Variants in ZNF366 observed in about 807,000 individuals in gnomAD.
ZNF366 encodes dendritic cell-specific transcript protein.
ZNF366 carries 20 observed loss-of-function variants against 47.2 expected under a neutral mutation model. The ratio of observed to expected loss-of-function variants is 0.42; its 90% CI spans 0.30 to 0.62. The LOEUF is 0.62. Ranked by LOEUF, ZNF366 falls within the 20% of genes least tolerant of loss-of-function variation. ZNF366 has a pLI of 0.16. For synonymous variants in ZNF366, 421 were observed against 395.1 expected (o/e 1.07, Z -0.78); for missense variants, 987 against 976.3 (o/e 1.01, Z -0.15).
chr5:72,469,154 T>C (rs896033180), intron 1 of ZNF366, among the ~76,000 whole-genome samples: 4 of 152,172 alleles, frequency 2.6e-5, no homozygotes, highest in Admixed American at 2.6e-4. Context: ...GCAAAAGTGC[T>C]GAGAATCAAT....
rs190219458 is a variant in ZNF366, at chr5:72,453,557, A to G, written c.1524+2847T>C. 3.7e-3 allele frequency among the ~76,000 whole-genome samples: 570 copies of G among 152,368 alleles called. 3 individuals carry two copies. Among genetic ancestry groups the G allele is most frequent in the Middle Eastern group, 0.01 (3 of 294 alleles). On this transcript the variant is annotated intron_variant, in intron 3 of 4. Transcript: ENST00000318442. ...AAGAATCTAGCACAGCATAGTTGGG[A>G]AGCAAGAACCACAGGACAGCATCTT...
chr5:72,457,862 G>T (rs1351094741), intron 2 of ZNF366, among the ~76,000 whole-genome samples: 1 of 152,158 alleles, frequency 6.6e-6, no homozygotes, highest in Non-Finnish European at 1.5e-5. Flanking sequence ...AGGAGACCTA[G>T]AAATCAACCT....
At position 72,443,668 on chromosome 5, in the gene ZNF366, C is replaced by T. The variant is rs879071676; in HGVS notation, c.*88G>A. 1.9e-5 allele frequency: 26 copies of T among 1,384,326 alleles called. No homozygotes were observed. The South Asian group carries it at 3.1e-4, about 16-fold the overall frequency. 85.8% of individuals were successfully genotyped at this position (1,384,326 alleles called of 1,614,324 possible). ...ATTTGTAGAGATTGGTACTATTCGC[C>T]AGTCTCCAGAAAATGACAGTTCATG... is the stretch of plus-strand genomic sequence containing the variant. On this transcript the variant is annotated 3_prime_UTR_variant, in exon 5 of 5. Coordinates refer to ENST00000318442, the MANE Select transcript of ZNF366 (RefSeq NM_152625.3).
At position 72,443,685 on chromosome 5, in the gene ZNF366, C is replaced by T. The variant is rs1742900218; in HGVS notation, c.*71G>A. ...CTATTCGCCAGTCTCCAGAAAATGA[C>T]AGTTCATGCAGAAAGCTATATTTGA... On this transcript the variant is annotated 3_prime_UTR_variant, in exon 5 of 5. Transcript: ENST00000318442. 4.7e-6 allele frequency: 7 copies of T among 1,477,478 alleles called. No homozygotes were observed. The highest frequency in any genetic ancestry group is 1.4e-5 in the African/African-American group (1 of 71,436). 91.5% of individuals were successfully genotyped at this position (1,477,478 alleles called of 1,614,324 possible). A position where few individuals can be genotyped will look rare whatever the true frequency, so the allele number is the denominator to read the frequency against.
chr5:72,449,727 T>G (rs758487755), intron 3 of ZNF366, among the ~76,000 whole-genome samples: 1 of 152,262 alleles, frequency 6.6e-6, no homozygotes, highest in Non-Finnish European at 1.5e-5. Flanking sequence ...CAACATGCAT[T>G]AAAGCTTTGC....
chr5:72,493,918 C>CTTTTTTTT (rs70999281), intron 1 of ZNF366, among the ~76,000 whole-genome samples: 12 of 62,510 alleles, frequency 1.9e-4, no homozygotes, highest in Admixed American at 2.5e-4. Flanking sequence ...CCATGCCCAG[C>CTTTTTTTT]TTTTTTTTTT....
chr5:72,496,951 A>C (rs1384800039), intron 1 of ZNF366, among the ~76,000 whole-genome samples: 1 of 152,162 alleles, frequency 6.6e-6, no homozygotes, highest in Non-Finnish European at 1.5e-5. Flanking sequence ...TTTATTCAAA[A>C]TTTGTGTCCA....
chr5:72,453,577 C>T (rs1743119034), intron 3 of ZNF366, among the ~76,000 whole-genome samples: 1 of 152,254 alleles, frequency 6.6e-6, no homozygotes, highest in African/African-American at 2.4e-5. Flanking sequence ...CACAGGACAG[C>T]ATCTTGAGAT....
intron 1 of ZNF366, among the ~76,000 whole-genome samples, chr5:72,477,665 T>C (rs1743701296): frequency 6.6e-6 from 1 of 152,176 alleles, no homozygotes; most frequent in African/African-American, 2.4e-5. Flanking sequence ...CCCTATTTTA[T>C]AGGTAAGGAA....
chr5:72,490,438 C>T (rs919177047), intron 1 of ZNF366, among the ~76,000 whole-genome samples: 7 of 152,182 alleles, frequency 4.6e-5, no homozygotes, highest in African/African-American at 1.7e-4. Flanking sequence ...AAAGCCTCCA[C>T]TTTTGAAGTC....
intron 1 of ZNF366, among the ~76,000 whole-genome samples, chr5:72,498,523 T>C (rs1206230593): frequency 1.3e-5 from 2 of 152,260 alleles, no homozygotes; most frequent in African/African-American, 4.8e-5. Context: ...GTGAATGAAG[T>C]GCTTTATGAA....
rs1202836653 is a variant in ZNF366, at chr5:72,468,801, G to A, written c.-14-7291C>T. ...CTGCTAGTGTGTTGGGGTTATCTCT[G>A]TCCTCGTGACCCATTTAAAGGAAGG... On this transcript the variant is annotated intron_variant, in intron 1 of 4. Coordinates refer to ENST00000318442, the MANE Select transcript of ZNF366 (RefSeq NM_152625.3). Among the ~76,000 whole-genome samples, 4 of 152,242 alleles carry A rather than the reference G, an allele frequency of 2.6e-5. No homozygotes were observed. In the South Asian group the frequency reaches 6.2e-4, roughly 24 times the overall value.
intron 1 of ZNF366, among the ~76,000 whole-genome samples, chr5:72,481,225 G>A (rs1041229428): frequency 3.3e-5 from 5 of 152,054 alleles, no homozygotes; most frequent in Admixed American, 6.5e-5. Context: ...GTTGGTACCC[G>A]AATTAGATTA....
At chr5:72,460,117 GCT>G in intron 2 of ZNF366, 46 bp downstream of exon 2, 1 of 1,584,994 alleles carries the variant, frequency 6.3e-7, no homozygotes, top group Middle Eastern at 1.9e-4. Flanking sequence ...TCAGGGCCCC[GCT>G]CCTCTTCCCA....
chr5:72,479,247 T>C (rs1370779380), intron 1 of ZNF366, among the ~76,000 whole-genome samples: 1 of 151,962 alleles, frequency 6.6e-6, no homozygotes, highest in East Asian at 1.9e-4. Context: ...ACTAGGAAGG[T>C]TGAATAGCCT....
At chr5:72,507,080 CAGT>C (rs1350103160) in intron 1 of ZNF366, among the ~76,000 whole-genome samples, 168 bp downstream of exon 1, 1 of 152,198 alleles carries the variant, frequency 6.6e-6, no homozygotes, top group Non-Finnish European at 1.5e-5. Context: ...TGCAAAGCAT[CAGT>C]ATTCTCTTAC....
intron 1 of ZNF366, among the ~76,000 whole-genome samples, chr5:72,481,442 T>C (rs1196615441): frequency 6.6e-6 from 1 of 152,200 alleles, no homozygotes. Flanking sequence ...GCACTACTTA[T>C]TATATATCTC....
At chr5:72,490,974 C>A (rs1743997525) in intron 1 of ZNF366, among the ~76,000 whole-genome samples, 1 of 152,200 alleles carries the variant, frequency 6.6e-6, no homozygotes, top group African/African-American at 2.4e-5. Context: ...CTACATCTTT[C>A]CCTGACCTGT....
At chr5:72,450,158 C>A (rs4703886) in intron 3 of ZNF366, among the ~76,000 whole-genome samples, 1 of 152,118 alleles carries the variant, frequency 6.6e-6, no homozygotes, top group African/African-American at 2.4e-5. Flanking sequence ...GTTTGTTGTA[C>A]ACAAAGATAA....
Sources: allele counts gnomAD v4.1 joint callset (sites outside exome capture counted in the v4.1 genomes callset), GRCh38; gene constraint gnomAD v4.1.1; transcripts MANE v1.5; gene names NCBI Gene and HGNC (gene_info 2026-07-23, HGNC 2026-07-21).